The following CNTN5 variants were observed in gnomAD, a reference collection of about 807,000 sequenced individuals.
CNTN5 encodes the protein contactin 5.
CNTN5 carries 77 observed loss-of-function variants against 129.1 expected under a neutral mutation model. The ratio of observed to expected loss-of-function variants is 0.60; its 90% CI spans 0.50 to 0.72. The LOEUF is 0.72. Ranked by LOEUF, CNTN5 falls within the 30% of genes least tolerant of loss-of-function variation. The probability of loss-of-function intolerance (pLI) is 0.00; values close to 1 mark genes in which losing one functional copy is unlikely to be tolerated. For missense variants in CNTN5, 1,478 were observed against 1,328.8 expected, an observed-to-expected ratio of 1.11 and a Z score of -1.75; for synonymous variants, 509 against 465.6, an observed-to-expected ratio of 1.09 and a Z score of -1.20.
intron 9 of CNTN5, among the ~76,000 whole-genome samples, chr11:100,023,468 G>A (rs1226005757): frequency 6.6e-6 from 1 of 152,096 alleles, no homozygotes; most frequent in African/African-American, 2.4e-5. Flanking sequence ...CTACCAGGAT[G>A]GTACATTTTT....
intron 6 of CNTN5, among the ~76,000 whole-genome samples, chr11:99,902,204 T>C (rs1192875796): frequency 1.3e-5 from 2 of 151,736 alleles, no homozygotes; most frequent in African/African-American, 4.8e-5. Flanking sequence ...AGAGCGTGGA[T>C]CTACTCCTCT....
intron 3 of CNTN5, among the ~76,000 whole-genome samples, chr11:99,725,145 C>A (rs1322500668): frequency 6.6e-6 from 1 of 152,184 alleles, no homozygotes; most frequent in Non-Finnish European, 1.5e-5. Flanking sequence ...CTTTCACAGT[C>A]TTCCCTCATC....
At chr11:100,315,774 G>A (rs955146283) in intron 21 of CNTN5, among the ~76,000 whole-genome samples, 10 of 152,004 alleles carry the variant, frequency 6.6e-5, no homozygotes, top group East Asian at 1.9e-4. Context: ...GTCAACATCC[G>A]CTTAGAACCA....
chr11:99,682,077 A>G (rs1246513051), intron 3 of CNTN5, among the ~76,000 whole-genome samples: 1 of 152,004 alleles, frequency 6.6e-6, no homozygotes, highest in Non-Finnish European at 1.5e-5. Flanking sequence ...AATATGCAAG[A>G]ACCAAGGAAC....
intron 16 of CNTN5, among the ~76,000 whole-genome samples, chr11:100,254,847 C>T (rs1950035170): frequency 6.6e-6 from 1 of 152,132 alleles, no homozygotes; most frequent in African/African-American, 2.4e-5. Flanking sequence ...CAAAATAAAA[C>T]ATTATTGTGA....
intron 3 of CNTN5, among the ~76,000 whole-genome samples, chr11:99,723,051 C>T (rs1943224891): frequency 6.6e-6 from 1 of 151,942 alleles, no homozygotes; most frequent in Non-Finnish European, 1.5e-5. Flanking sequence ...TATATTTAGA[C>T]TCCATGGGGA....
intron 6 of CNTN5, among the ~76,000 whole-genome samples, chr11:99,890,564 CATGT>C (rs946958293): frequency 1.4e-5 from 2 of 146,584 alleles, no homozygotes; most frequent in African/African-American, 2.5e-5. Flanking sequence ...TTGAAATAGA[CATGT>C]GTGTGTGTAT....
intron 1 of CNTN5, among the ~76,000 whole-genome samples, chr11:99,311,729 A>T (rs2135971409): frequency 6.6e-6 from 1 of 152,326 alleles, no homozygotes; most frequent in African/African-American, 2.4e-5. Context: ...GTATTTTAAG[A>T]AAATTGTATC....
chr11:99,936,681 A>C (rs967722206), intron 7 of CNTN5, among the ~76,000 whole-genome samples: 6 of 152,202 alleles, frequency 3.9e-5, no homozygotes, highest in Admixed American at 1.3e-4. Flanking sequence ...CTGCAGATCA[A>C]GCAGCCAGAT....
At chr11:99,427,940 A>C (rs1037923899) in intron 2 of CNTN5, among the ~76,000 whole-genome samples, 3 of 152,144 alleles carry the variant, frequency 2.0e-5, no homozygotes, top group Admixed American at 2.0e-4. Context: ...TTTTAATTTT[A>C]GCCAACTTAA....
At chr11:99,436,990 A>G (rs933876888) in intron 2 of CNTN5, among the ~76,000 whole-genome samples, 1 of 152,110 alleles carries the variant, frequency 6.6e-6, no homozygotes, top group Non-Finnish European at 1.5e-5. Flanking sequence ...CATCTTTAGC[A>G]CTGGTCTTTT....
chr11:100,029,335 C>A (rs550868805), intron 9 of CNTN5, among the ~76,000 whole-genome samples: 1 of 152,150 alleles, frequency 6.6e-6, no homozygotes, highest in Non-Finnish European at 1.5e-5. Context: ...GTAATCCCAG[C>A]ACTTTGGGAG....
At chr11:99,714,090 C>T (rs1474944664) in intron 3 of CNTN5, among the ~76,000 whole-genome samples, 2 of 151,720 alleles carry the variant, frequency 1.3e-5, no homozygotes, top group Admixed American at 6.6e-5. Context: ...TTATATTATC[C>T]ATTTAAAGAT....
chr11:99,960,157 A>AGG (rs1178834633), intron 8 of CNTN5, among the ~76,000 whole-genome samples: 2 of 152,132 alleles, frequency 1.3e-5, no homozygotes, highest in Admixed American at 1.3e-4. Context: ...TTATTCCTTC[A>AGG]TTTGATAAGT....
chr11:100,044,667 G>A (rs1217643271), intron 9 of CNTN5, among the ~76,000 whole-genome samples: 5 of 150,854 alleles, frequency 3.3e-5, no homozygotes, highest in African/African-American at 9.7e-5. Context: ...CTCACTTTTT[G>A]TTATTTTGGA....
At chr11:99,356,848 C>A (rs1384023135) in intron 2 of CNTN5, among the ~76,000 whole-genome samples, 1 of 152,092 alleles carries the variant, frequency 6.6e-6, no homozygotes, top group Non-Finnish European at 1.5e-5. Flanking sequence ...TAATTAGGTT[C>A]TGTATTTGGA....
chr11:99,784,506 C>G (rs772942894), intron 3 of CNTN5, among the ~76,000 whole-genome samples: 1 of 152,192 alleles, frequency 6.6e-6, no homozygotes, highest in East Asian at 2.0e-4. Context: ...CAAGTCTTTC[C>G]TATTGTGAAT....
intron 3 of CNTN5, among the ~76,000 whole-genome samples, chr11:99,798,580 A>G (rs912142340): frequency 2.6e-5 from 4 of 151,814 alleles, no homozygotes; most frequent in African/African-American, 9.7e-5. Flanking sequence ...GGCTATGGGT[A>G]TTTGGTGTTA....
chr11:99,190,470 T>C (rs529776735), intron 1 of CNTN5, among the ~76,000 whole-genome samples: 20 of 151,852 alleles, frequency 1.3e-4, no homozygotes, highest in Admixed American at 1.3e-3. Context: ...TACATTGAAT[T>C]TGTAGATATC....
Sources: gnomAD v4.1 joint callset for allele counts (sites outside exome capture counted in the v4.1 genomes callset) on GRCh38, gnomAD v4.1.1 for gene constraint, MANE v1.5 for transcripts, NCBI Gene and HGNC (gene_info 2026-07-23, HGNC 2026-07-21) for gene names.